PRRX2: variants seen among roughly 807,000 people sequenced by gnomAD.
The protein encoded by PRRX2 is paired related homeobox 2.
Under a neutral mutation model 18.0 loss-of-function variants are expected in PRRX2, and 11 were observed. The ratio of observed to expected loss-of-function variants is 0.61; its 90% CI spans 0.39 to 1.01. The LOEUF (loss-of-function observed/expected upper bound fraction) is 1.01, where lower values mean the gene tolerates loss of function less well. PRRX2 is among the 50% of genes least tolerant of loss of function. PRRX2 has a pLI of 0.01. For missense variants in PRRX2, 387 were observed against 351.0 expected (o/e 1.10, Z -0.82); for synonymous variants, 177 against 154.8 (o/e 1.14, Z -1.06).
intron 1 of PRRX2, among the ~76,000 whole-genome samples, chr9:129,716,660 G>A (rs796444220): frequency 3.9e-4 from 59 of 152,082 alleles, no homozygotes; most frequent in African/African-American, 1.4e-3. Context: ...TTGCCATGTT[G>A]CCCAGGCTGG....
chr9:129,681,349 G>A (rs1275672577), intron 1 of PRRX2, among the ~76,000 whole-genome samples: 22 of 152,090 alleles, frequency 1.4e-4, no homozygotes, highest in African/African-American at 4.8e-4. Flanking sequence ...GCAAAACCCC[G>A]TCTCTATTAA....
At chr9:129,707,897 G>T (rs1056114652) in intron 1 of PRRX2, among the ~76,000 whole-genome samples, 7 of 152,138 alleles carry the variant, frequency 4.6e-5, no homozygotes, top group South Asian at 2.1e-4. Context: ...GGAATTGCTG[G>T]GTCAGATGGT....
intron 1 of PRRX2, among the ~76,000 whole-genome samples, chr9:129,692,194 C>T (rs1832369065): frequency 6.6e-6 from 1 of 151,868 alleles, no homozygotes; most frequent in South Asian, 2.1e-4. Flanking sequence ...AAGTGATCTA[C>T]TCTCCTCTGC....
intron 1 of PRRX2, among the ~76,000 whole-genome samples, chr9:129,699,231 T>G (rs1832465866): frequency 6.6e-6 from 1 of 152,224 alleles, no homozygotes; most frequent in Non-Finnish European, 1.5e-5. Flanking sequence ...GAGACCAGCC[T>G]GGCCAACATG....
intron 1 of PRRX2, among the ~76,000 whole-genome samples, chr9:129,672,064 C>T (rs112899444): frequency 6.6e-6 from 1 of 152,234 alleles, no homozygotes; most frequent in South Asian, 2.1e-4. Flanking sequence ...TCAGGCTGGA[C>T]GCGGCAGAAC....
At chr9:129,685,481 C>T (rs1203057042) in intron 1 of PRRX2, among the ~76,000 whole-genome samples, 1 of 152,198 alleles carries the variant, frequency 6.6e-6, no homozygotes, top group Non-Finnish European at 1.5e-5. Flanking sequence ...CCTCCCACCT[C>T]AGCCTCCTGA....
At chr9:129,670,034 C>G (rs1832080246) in intron 1 of PRRX2, among the ~76,000 whole-genome samples, 1 of 147,512 alleles carries the variant, frequency 6.8e-6, no homozygotes, top group African/African-American at 2.5e-5. Context: ...AGTCTGCTTC[C>G]TGTCTCTGTG....
At chr9:129,681,699 A>AT (rs1832233946) in intron 1 of PRRX2, among the ~76,000 whole-genome samples, 1 of 121,384 alleles carries the variant, frequency 8.2e-6, no homozygotes, top group African/African-American at 3.1e-5. Context: ...TCCACCCCCC[A>AT]AAACCAGAAC....
At chr9:129,720,231 G>A (rs901883347) in intron 2 of PRRX2, among the ~76,000 whole-genome samples, 4 of 149,572 alleles carry the variant, frequency 2.7e-5, no homozygotes, top group South Asian at 4.2e-4. Flanking sequence ...CTCCCCGCGA[G>A]TGCTCAGCAA....
chr9:129,702,125 C>T lies in PRRX2; in HGVS notation c.260-17106C>T, dbSNP rs146110756. Among the ~76,000 whole-genome samples, 1,149 of 149,230 alleles carry T rather than the reference C, an allele frequency of 7.7e-3. 13 individuals are homozygous for T. The highest frequency in any genetic ancestry group is 0.026 in the African/African-American group (1,069 of 40,356). On this transcript the variant is annotated intron_variant, in intron 1 of 3. Transcript: ENST00000372469. ...CAAAACTTTCTACGACTGCCAGGCG[C>T]GGTGGCTCACACCTGTAATCCCAGC...
chr9:129,717,534 A>G (rs1447032008), intron 1 of PRRX2, among the ~76,000 whole-genome samples: 1 of 151,948 alleles, frequency 6.6e-6, no homozygotes, highest in Non-Finnish European at 1.5e-5. Flanking sequence ...TGTTTCTACT[A>G]AAAATACAAA....
At chr9:129,714,025 T>G (rs781001217) in intron 1 of PRRX2, among the ~76,000 whole-genome samples, 5 of 146,108 alleles carry the variant, frequency 3.4e-5, no homozygotes, top group Non-Finnish European at 5.9e-5. Flanking sequence ...GTAAAATGAT[T>G]CCATTGGTAG....
chr9:129,720,202 G>C (rs1832771153), intron 2 of PRRX2, among the ~76,000 whole-genome samples: 1 of 150,038 alleles, frequency 6.7e-6, no homozygotes, highest in Admixed American at 6.6e-5. Flanking sequence ...CTCTCCCCGC[G>C]AGTGCTCAGC....
chr9:129,684,686 C>T (rs906422605), intron 1 of PRRX2, among the ~76,000 whole-genome samples: 1 of 152,132 alleles, frequency 6.6e-6, no homozygotes, highest in Admixed American at 6.5e-5. Context: ...AGTGGCACCT[C>T]TGGGACGGGG....
In PRRX2 at chr9:129,665,775, G is replaced by A; in HGVS notation, c.-93G>A. ...CGGCGGGAGCTGGGCAGAGCGCGGG[G>A]CGGCCGGGGCTCTCGCTCCGACCCG... On this transcript the variant is annotated 5_prime_UTR_variant, in exon 1 of 4. Coordinates refer to ENST00000372469, the MANE Select transcript of PRRX2 (RefSeq NM_016307.4). This position sits in a 1 kb window ranked among gnomAD's most constrained non-coding sequence, Gnocchi z 5.3. The A allele has an allele frequency of 2.2e-6, 2 of 912,328 alleles. No individual in the cohort carries two copies. Among genetic ancestry groups the A allele is most frequent in the Non-Finnish European group, 1.3e-6 (1 of 759,056 alleles). The allele number at this position is 912,328 out of a possible 1,614,324, so 56.5% of individuals were successfully genotyped here.
rs544099756 is a variant in PRRX2 at position 129,722,253 on chromosome 9, C to T, written c.663C>T (p.Pro221=). 7.6e-5 allele frequency: 122 copies of T among 1,613,990 alleles called. No individual in the cohort carries two copies. In the East Asian group the frequency reaches 8.2e-4, roughly 11 times the overall value. ...CCTACAGCCCTGGGAGCTCAGGCCC[C>T]GCAACCCCAGGGGTCAACATGGCCA... ...VPPYSPGSSG[P]ATPGVNMANS... is the part of the protein sequence containing the mutation. The change falls in exon 4 of 4, where the codon CCC becomes CCT. Residue 221 remains proline (P), a synonymous_variant. Coordinates refer to ENST00000372469, the MANE Select transcript of PRRX2 (RefSeq NM_016307.4).
intron 1 of PRRX2, among the ~76,000 whole-genome samples, chr9:129,670,438 G>A (rs1365793191): frequency 6.6e-6 from 1 of 151,974 alleles, no homozygotes; most frequent in African/African-American, 2.4e-5. Context: ...ACAGTGGTGT[G>A]ATCTCCGCTC....
chr9:129,709,183 T>C lies in PRRX2; in HGVS notation c.260-10048T>C, dbSNP rs1396485134. On this transcript the variant is annotated intron_variant, in intron 1 of 3. Coordinates refer to ENST00000372469, the MANE Select transcript of PRRX2 (RefSeq NM_016307.4). This position sits in a 1 kb window ranked among gnomAD's most constrained non-coding sequence, Gnocchi z 4.2. Reference sequence around the variant, plus strand: ...AACAGCAGATACCAAGGCCCAGAGGTGGGAAGGTGCTTGTGCTCCCTTCCA... The same window carrying C: ...AACAGCAGATACCAAGGCCCAGAGGCGGGAAGGTGCTTGTGCTCCCTTCCA... Among the ~76,000 whole-genome samples, 1 of 152,076 alleles carries C rather than the reference T, an allele frequency of 6.6e-6. No homozygotes were observed. Among genetic ancestry groups the C allele is most frequent in the Non-Finnish European group, 1.5e-5 (1 of 68,004 alleles).
chr9:129,672,517 G>A (rs1013454595), intron 1 of PRRX2, among the ~76,000 whole-genome samples: 2 of 152,180 alleles, frequency 1.3e-5, no homozygotes, highest in Non-Finnish European at 2.9e-5. Context: ...CTGGCTCCCG[G>A]GAATGCTGGG....
Sources: gnomAD v4.1 joint callset for allele counts (sites outside exome capture counted in the v4.1 genomes callset) on GRCh38, gnomAD v4.1.1 for gene constraint, Gnocchi (gnomAD v3.1) non-coding constraint, MANE v1.5 for transcripts, NCBI Gene and HGNC (gene_info 2026-07-23, HGNC 2026-07-21) for gene names.